The following RSF1 variants were observed in gnomAD, a reference collection of about 807,000 sequenced individuals.
RSF1 encodes remodeling and spacing factor 1, also known as HBV pX-associated protein 8.
RSF1 carries 13 observed loss-of-function variants against 145.2 expected under a neutral mutation model. The ratio of observed to expected loss-of-function variants is 0.09; its 90% CI spans 0.06 to 0.14. The LOEUF is 0.14. Ranked by LOEUF, RSF1 falls within the 10% of genes least tolerant of loss-of-function variation. The probability of loss-of-function intolerance (pLI) is 1.00; values close to 1 mark genes in which losing one functional copy is unlikely to be tolerated. For missense variants in RSF1, 1,517 were observed against 1,718.2 expected (o/e 0.88, Z 2.07); for synonymous variants, 577 against 592.6 (o/e 0.97, Z 0.38).
intron 5 of RSF1, among the ~76,000 whole-genome samples, chr11:77,720,228 G>A (rs538462062): frequency 6.6e-6 from 1 of 152,238 alleles, no homozygotes; most frequent in South Asian, 2.1e-4. Context: ...ATTCTCAAGT[G>A]ATATCTTATC....
intron 2 of RSF1, among the ~76,000 whole-genome samples, chr11:77,751,381 C>T (rs190397791): frequency 1.6e-4 from 25 of 152,302 alleles, no homozygotes; most frequent in African/African-American, 5.5e-4. Flanking sequence ...AAACCCAAGG[C>T]TCTCAAAGGA....
intron 1 of RSF1, among the ~76,000 whole-genome samples, chr11:77,778,634 C>G (rs1291236115): frequency 1.3e-5 from 2 of 152,066 alleles, no homozygotes; most frequent in Non-Finnish European, 1.5e-5. Flanking sequence ...GGCACACCAC[C>G]ACACTCAGCT....
chr11:77,747,931 C>T (rs1948018959), intron 2 of RSF1, among the ~76,000 whole-genome samples: 1 of 152,032 alleles, frequency 6.6e-6, no homozygotes, highest in Admixed American at 6.6e-5. Context: ...ATACAAAATG[C>T]CAGCAATTTC....
intron 14 of RSF1, among the ~76,000 whole-genome samples, chr11:77,673,297 T>C (rs2135813992): frequency 6.6e-6 from 1 of 152,360 alleles, no homozygotes; most frequent in East Asian, 1.9e-4. Context: ...CACTGCTAAA[T>C]AGCATTGTTC....
intron 5 of RSF1, 119 bp downstream of exon 5, chr11:77,725,426 A>G: frequency 1.2e-6 from 1 of 846,170 alleles, no homozygotes; most frequent in Non-Finnish European, 1.6e-6. Context: ...ACCTCCTTTT[A>G]TAAGAAGGCT....
At chr11:77,868,027 T>C in the RSF1 span, among the ~76,000 whole-genome samples, 1 of 151,898 alleles carries the variant, frequency 6.6e-6, no homozygotes, top group African/African-American at 2.4e-5. Context: ...TGACTTTAAC[T>C]GTTCTTCTAG....
intron 1 of RSF1, among the ~76,000 whole-genome samples, chr11:77,793,292 CTACAT>C (rs1948538904): frequency 6.6e-6 from 1 of 152,086 alleles, no homozygotes; most frequent in Non-Finnish European, 1.5e-5. Context: ...CCAGCCTTGT[CTACAT>C]AGCAAGCCCT....
At chr11:77,697,647 T>C (rs1162279805) in intron 7 of RSF1, among the ~76,000 whole-genome samples, 3 of 150,092 alleles carry the variant, frequency 2.0e-5, no homozygotes, top group African/African-American at 7.3e-5. Flanking sequence ...ACTATTCTTT[T>C]TGGAATATAT....
chr11:77,781,877 T>C (rs1317447915), intron 1 of RSF1, among the ~76,000 whole-genome samples: 2 of 152,240 alleles, frequency 1.3e-5, no homozygotes, highest in Non-Finnish European at 2.9e-5. Flanking sequence ...ACTGTCAGAA[T>C]TGTATCTTCC....
At chr11:77,769,382 C>T (rs182291796) in intron 1 of RSF1, among the ~76,000 whole-genome samples, 1 of 152,226 alleles carries the variant, frequency 6.6e-6, no homozygotes, top group Non-Finnish European at 1.5e-5. Context: ...TAATTAACTT[C>T]TTTCTAAAGA....
At chr11:77,673,392 C>T (rs73506733) in intron 14 of RSF1, among the ~76,000 whole-genome samples, 1,599 of 152,240 alleles carry the variant, frequency 0.011, 31 homozygotes, top group African/African-American at 0.035. Context: ...CACCGAAGTA[C>T]GACATTCAAG....
At chr11:77,789,096 A>G (rs1275547533) in intron 1 of RSF1, among the ~76,000 whole-genome samples, 1 of 152,248 alleles carries the variant, frequency 6.6e-6, no homozygotes, top group African/African-American at 2.4e-5. Flanking sequence ...GGAAGGAGAA[A>G]GAAGGCAACC....
At chr11:77,785,845 G>C (rs1398880580) in intron 1 of RSF1, among the ~76,000 whole-genome samples, 1 of 133,674 alleles carries the variant, frequency 7.5e-6, no homozygotes, top group African/African-American at 2.7e-5. Flanking sequence ...AGAATGGCGT[G>C]AACCTGGGAG....
At chr11:77,689,448 T>C (rs1162269096) in intron 9 of RSF1, among the ~76,000 whole-genome samples, 1 of 152,262 alleles carries the variant, frequency 6.6e-6, no homozygotes, top group Non-Finnish European at 1.5e-5. Context: ...ACTTTGCCTT[T>C]GCTCATGTTT....
chr11:77,729,399 A>G (rs1961139862), intron 4 of RSF1, among the ~76,000 whole-genome samples: 1 of 152,080 alleles, frequency 6.6e-6, no homozygotes, highest in Admixed American at 6.6e-5. Context: ...ATATTTTCCT[A>G]TATGTACCTT....
intron 1 of RSF1, among the ~76,000 whole-genome samples, chr11:77,803,330 T>C (rs1948645035): frequency 6.6e-6 from 1 of 151,816 alleles, no homozygotes; most frequent in Non-Finnish European, 1.5e-5. Flanking sequence ...TTATTTTTTG[T>C]AGAGACAGGT....
In RSF1 at chr11:77,667,339, G is replaced by A. The variant is rs375656054; in HGVS notation, c.3904C>T (p.Arg1302Trp). 13 of 1,613,812 alleles carry A rather than the reference G, an allele frequency of 8.1e-6. No individual in the cohort carries two copies. The highest frequency in any genetic ancestry group is 4.5e-5 in the East Asian group (2 of 44,884). Residue 1302 changes from arginine (R) to tryptophan (W), a missense_variant, in exon 16 of 16, where the codon CGG (arginine) becomes TGG (tryptophan). Transcript: ENST00000308488. Reference protein sequence around the residue: ...EGKPSRKRLHRIETDEEESCD... With the variant: ...EGKPSRKRLHWIETDEEESCD... ...CTCTCCTCCTCATCCGTCTCAATCCGGTGTAGCCGTTTGCGGGATGGTTTG... is the reference window on the plus strand; with the variant it reads ...CTCTCCTCCTCATCCGTCTCAATCCAGTGTAGCCGTTTGCGGGATGGTTTG...
chr11:77,822,763 A>G (rs913606038), upstream of RSF1, among the ~76,000 whole-genome samples: 1 of 152,202 alleles, frequency 6.6e-6, no homozygotes, highest in African/African-American at 2.4e-5. Context: ...AAACTTGGCA[A>G]ATACTTTTGA....
At chr11:77,687,260 CCAA>C (rs1334973397) in intron 9 of RSF1, among the ~76,000 whole-genome samples, 1 of 152,118 alleles carries the variant, frequency 6.6e-6, no homozygotes, top group African/African-American at 2.4e-5. Context: ...TCAGCAAACA[CCAA>C]CAACAATCCA....
Sources: gnomAD v4.1 joint callset for allele counts (sites outside exome capture counted in the v4.1 genomes callset) on GRCh38, gnomAD v4.1.1 for gene constraint, MANE v1.5 for transcripts, NCBI Gene and HGNC (gene_info 2026-07-23, HGNC 2026-07-21) for gene names.